Variants in SH3PXD2A observed in about 807,000 individuals in gnomAD.
SH3PXD2A encodes SH3 and PX domain-containing protein 2A.
In SH3PXD2A, 32 loss-of-function variants were observed where a neutral mutation model predicts 115.2. The ratio of observed to expected loss-of-function variants is 0.28; its 90% confidence interval spans 0.21 to 0.37. The LOEUF is 0.37. Among genes scored for constraint, SH3PXD2A ranks in the 10% least tolerant of loss-of-function variants. SH3PXD2A has a pLI of 1.00. For synonymous variants in SH3PXD2A, 610 were observed against 629.1 expected (o/e 0.97, Z 0.45); for missense variants, 1,328 against 1,498.7 (o/e 0.89, Z 1.88).
At chr10:103,700,699 CCA>C (rs1355929706) in intron 5 of SH3PXD2A, among the ~76,000 whole-genome samples, 1 of 152,142 alleles carries the variant, frequency 6.6e-6, no homozygotes, top group Non-Finnish European at 1.5e-5. Context: ...CCAGTTCAGC[CCA>C]CTGCCATGGA....
intron 1 of SH3PXD2A, among the ~76,000 whole-genome samples, chr10:103,841,592 G>C (rs1459826414): frequency 6.6e-6 from 1 of 152,134 alleles, no homozygotes. Flanking sequence ...GCTGTGCAGG[G>C]TGGGGAGGGA....
chr10:103,783,281 A>C (rs2038949751), intron 2 of SH3PXD2A, among the ~76,000 whole-genome samples: 1 of 152,198 alleles, frequency 6.6e-6, no homozygotes, highest in African/African-American at 2.4e-5. Flanking sequence ...TTTATGTTTT[A>C]GGAGGGCTCT....
chr10:103,784,952 C>T lies in SH3PXD2A; in HGVS notation c.153+16330G>A, dbSNP rs923123950. Among the ~76,000 whole-genome samples the T allele has an allele frequency of 4.1e-4, 63 of 152,250 alleles. No homozygotes were observed. The highest frequency in any genetic ancestry group is 1.5e-3 in the African/African-American group (63 of 41,536). On this transcript the variant is annotated intron_variant, in intron 2 of 14. Coordinates refer to ENST00000369774, the MANE Select transcript of SH3PXD2A (RefSeq NM_001394015.1). This position sits in a 1 kb window ranked among gnomAD's most constrained non-coding sequence, Gnocchi z 4.4. ...CGGGTAACCAGTCTGCAGGTCAGCT[C>T]GGGTTGCATCTGTCTCCAGCCCCTC...
chr10:103,785,884 C>T (rs1052882512), intron 2 of SH3PXD2A, among the ~76,000 whole-genome samples: 1 of 151,284 alleles, frequency 6.6e-6, no homozygotes, highest in Non-Finnish European at 1.5e-5. Context: ...AGAATCAGGG[C>T]GAGAGAAAAA....
chr10:103,796,311 C>T lies in SH3PXD2A; in HGVS notation c.153+4971G>A, dbSNP rs559917775. Among the ~76,000 whole-genome samples the T allele has an allele frequency of 1.6e-3, 237 of 151,378 alleles. 1 individual carries two copies. Among genetic ancestry groups the T allele is most frequent in the Non-Finnish European group, 2.5e-3 (168 of 67,898 alleles). ...CTGGGAGGCTGAGGCTTCAGTGAGCCATGATCACACCACTGCACTCCAGCC... is the reference window on the plus strand; with the variant it reads ...CTGGGAGGCTGAGGCTTCAGTGAGCTATGATCACACCACTGCACTCCAGCC... On this transcript the variant is annotated intron_variant, in intron 2 of 14. Transcript: ENST00000369774.
At chr10:103,688,735 C>T (rs1036648983) in intron 6 of SH3PXD2A, among the ~76,000 whole-genome samples, 5 of 152,034 alleles carry the variant, frequency 3.3e-5, no homozygotes, top group African/African-American at 1.2e-4. Context: ...CAGCCAGGGG[C>T]CAAGTCACAC....
At chr10:103,785,042 C>G (rs1419288108) in intron 2 of SH3PXD2A, among the ~76,000 whole-genome samples, 1 of 152,196 alleles carries the variant, frequency 6.6e-6, no homozygotes, top group East Asian at 1.9e-4. Flanking sequence ...CAGGTGCTCA[C>G]CCCCAACCCT....
At chr10:103,661,301 C>T (rs2037297087) in intron 7 of SH3PXD2A, among the ~76,000 whole-genome samples, 187 bp from the exon 8 acceptor site, 1 of 152,256 alleles carries the variant, frequency 6.6e-6, no homozygotes, top group Admixed American at 6.5e-5. Context: ...AGGCCCCAGA[C>T]CGGCCCGCTG....
intron 8 of SH3PXD2A, among the ~76,000 whole-genome samples, chr10:103,658,047 TCTA>T (rs1298616482): frequency 1.3e-5 from 2 of 152,248 alleles, no homozygotes; most frequent in Non-Finnish European, 2.9e-5. Flanking sequence ...TAAACTCCCT[TCTA>T]CTGCATGGTG....
intron 3 of SH3PXD2A, among the ~76,000 whole-genome samples, chr10:103,766,254 C>A (rs539171798): frequency 6.6e-6 from 1 of 152,182 alleles, no homozygotes; most frequent in African/African-American, 2.4e-5. Context: ...CTGACCTGTG[C>A]AGGTCCAGGG....
chr10:103,745,521 G>C (rs1415113563), intron 3 of SH3PXD2A, among the ~76,000 whole-genome samples: 1 of 152,204 alleles, frequency 6.6e-6, no homozygotes, highest in Non-Finnish European at 1.5e-5. Flanking sequence ...CAGTGAATGA[G>C]TCTGTAAAAG....
intron 1 of SH3PXD2A, among the ~76,000 whole-genome samples, chr10:103,835,837 T>C (rs900541677): frequency 2.6e-5 from 4 of 152,176 alleles, no homozygotes; most frequent in Non-Finnish European, 1.5e-5. Context: ...TACTTCCTCC[T>C]TGGCCTTCAC....
rs118188068 is a variant in SH3PXD2A at position 103,828,879 on chromosome 10, C to A, written c.72+26316G>T. Among the ~76,000 whole-genome samples the A allele has an allele frequency of 7.4e-4, 113 of 152,306 alleles. No individual in the cohort carries two copies. The East Asian group carries it at 0.02, about 27-fold the overall frequency. On this transcript the variant is annotated intron_variant, in intron 1 of 14. Coordinates refer to ENST00000369774, the MANE Select transcript of SH3PXD2A (RefSeq NM_001394015.1). ...GCCACGATACATACGTTGGTGCATT[C>A]ATTTATTTCCCAGTTGAAAGGTGGT...
chr10:103,729,626 A>G (rs1306289887), intron 4 of SH3PXD2A, among the ~76,000 whole-genome samples: 1 of 152,230 alleles, frequency 6.6e-6, no homozygotes, highest in Non-Finnish European at 1.5e-5. Context: ...GGAGAATGTC[A>G]GCTGAGCTGG....
At position 103,724,253 on chromosome 10, in the gene SH3PXD2A, C is replaced by A. The variant is rs1484402399; in HGVS notation, c.398+17G>T. ...ACGCCTCCCCAGCACACAGGAGAGG[C>A]CTGAGCTATTACTTACTCTTTTGGA... On this transcript the variant is annotated intron_variant, in intron 5 of 14. Coordinates refer to ENST00000369774, the MANE Select transcript of SH3PXD2A (RefSeq NM_001394015.1). The A allele has an allele frequency of 5.0e-5, 74 of 1,481,388 alleles. No homozygotes were observed. The highest frequency in any genetic ancestry group is 6.1e-5 in the Non-Finnish European group (67 of 1,089,858). 91.8% of individuals were successfully genotyped at this position (1,481,388 alleles called of 1,614,324 possible).
At chr10:103,650,607 C>T (rs3824776) in intron 8 of SH3PXD2A, among the ~76,000 whole-genome samples, 18,242 of 152,246 alleles carry the variant, frequency 0.12, 1,353 homozygotes, top group South Asian at 0.26. Flanking sequence ...GCTTTGCCAG[C>T]CACCTGGGGC....
chr10:103,772,131 G>A (rs551718538), intron 2 of SH3PXD2A, among the ~76,000 whole-genome samples: 1 of 152,274 alleles, frequency 6.6e-6, no homozygotes, highest in African/African-American at 2.4e-5. Flanking sequence ...TCTGTGTGGG[G>A]CTTGTACTTG....
In SH3PXD2A at chr10:103,613,133, G is replaced by A; in HGVS notation, c.978C>T (p.Asp326=). 6.2e-7 allele frequency: 1 copy of A among 1,613,582 alleles called. No homozygotes were observed. The highest frequency in any genetic ancestry group is 8.5e-7 in the Non-Finnish European group (1 of 1,179,782). ...PASYLKKAKD[D]LPTRKKNLAG... is the part of the protein sequence containing the mutation. ...CCAGGTTCTTCTTCCGGGTTGGCAG[G>A]TCATCCTTGGCCTTCTTCAGGTAGG... is the stretch of plus-strand genomic sequence containing the variant. The change falls in exon 12 of 15, where the codon GAC becomes GAT. Residue 326 remains aspartate, a synonymous_variant. Transcript: ENST00000369774.
intron 1 of SH3PXD2A, among the ~76,000 whole-genome samples, chr10:103,821,499 C>T (rs1291182132): frequency 6.6e-6 from 1 of 152,016 alleles, no homozygotes; most frequent in Non-Finnish European, 1.5e-5. Context: ...AGGCTTAATC[C>T]CCACCTTGAC....
Sources: gnomAD v4.1 joint callset for allele counts (sites outside exome capture counted in the v4.1 genomes callset) on GRCh38, gnomAD v4.1.1 for gene constraint, Gnocchi (gnomAD v3.1) non-coding constraint, MANE v1.5 for transcripts, NCBI Gene and HGNC (gene_info 2026-07-23, HGNC 2026-07-21) for gene names.